DOK6: variants seen among roughly 807,000 people sequenced by gnomAD.
DOK6 encodes docking protein 6.
A neutral mutation model predicts 44.0 loss-of-function variants in DOK6; 22 were observed. That is an observed-to-expected ratio of 0.50 (90% CI 0.36 to 0.71). The LOEUF is 0.71. DOK6 is among the 30% of genes least tolerant of loss of function. The pLI, the probability that DOK6 is intolerant of heterozygous loss-of-function variation, is 0.00. For missense variants in DOK6, 340 were observed against 416.4 expected (o/e 0.82, Z 1.60); for synonymous variants, 166 against 145.5 (o/e 1.14, Z -1.01).
chr18:69,799,790 T>C (rs1438692230), intron 7 of DOK6, among the ~76,000 whole-genome samples: 2 of 152,096 alleles, frequency 1.3e-5, no homozygotes, highest in Non-Finnish European at 2.9e-5. Flanking sequence ...TAGGGTGCCC[T>C]CAGTGACCGA....
At chr18:69,790,687 G>A (rs1252756585) in intron 7 of DOK6, among the ~76,000 whole-genome samples, 1 of 151,336 alleles carries the variant, frequency 6.6e-6, no homozygotes, top group Non-Finnish European at 1.5e-5. Context: ...TATATTTATG[G>A]GATACATGAG....
At chr18:69,493,417 C>T (rs1980794388) in intron 1 of DOK6, among the ~76,000 whole-genome samples, 1 of 152,150 alleles carries the variant, frequency 6.6e-6, no homozygotes, top group Non-Finnish European at 1.5e-5. Flanking sequence ...AGAGCACTAG[C>T]ATTGCCTGAA....
At chr18:69,698,687 C>A in intron 5 of DOK6, 94 bp downstream of exon 5, 1 of 1,257,978 alleles carries the variant, frequency 7.9e-7, no homozygotes, top group Non-Finnish European at 1.1e-6. Context: ...CATCATTGCC[C>A]CCAGTGAGCA....
chr18:69,739,611 C>G (rs1328646374), intron 6 of DOK6, among the ~76,000 whole-genome samples: 3 of 152,014 alleles, frequency 2.0e-5, no homozygotes, highest in Non-Finnish European at 4.4e-5. Context: ...ATCATCTTGT[C>G]CTGGAACTGT....
At chr18:69,838,814 C>G (rs866985271) in intron 7 of DOK6, among the ~76,000 whole-genome samples, 5 of 149,236 alleles carry the variant, frequency 3.4e-5, no homozygotes, top group Non-Finnish European at 7.5e-5. Context: ...TAATCCCTTC[C>G]CTAGCTGCTC....
intron 3 of DOK6, among the ~76,000 whole-genome samples, chr18:69,668,858 T>C (rs895200821): frequency 6.6e-5 from 10 of 152,294 alleles, no homozygotes; most frequent in Middle Eastern, 3.4e-3. Flanking sequence ...GACTACTCAA[T>C]AGTTAACAGA....
At chr18:69,773,169 T>A (rs1979938774) in intron 7 of DOK6, among the ~76,000 whole-genome samples, 1 of 151,886 alleles carries the variant, frequency 6.6e-6, no homozygotes, top group African/African-American at 2.4e-5. Context: ...CTAGGATGGC[T>A]AATTATCTAA....
At chr18:69,635,001 A>G (rs1378455906) in intron 3 of DOK6, among the ~76,000 whole-genome samples, 1 of 152,180 alleles carries the variant, frequency 6.6e-6, no homozygotes, top group African/African-American at 2.4e-5. Flanking sequence ...CCTGCCGCAG[A>G]CAGCCAGGCA....
chr18:69,582,253 G>C (rs1983387535), intron 2 of DOK6, among the ~76,000 whole-genome samples: 2 of 152,160 alleles, frequency 1.3e-5, no homozygotes, highest in South Asian at 4.1e-4. Context: ...AGACCTAATT[G>C]GTCCATAGGC....
At chr18:69,761,353 A>T (rs1979546697) in intron 7 of DOK6, among the ~76,000 whole-genome samples, 1 of 152,130 alleles carries the variant, frequency 6.6e-6, no homozygotes, top group Non-Finnish European at 1.5e-5. Flanking sequence ...TTACTTTACC[A>T]AAACAGTTAA....
At chr18:69,441,004 C>T (rs1347544267) in intron 1 of DOK6, among the ~76,000 whole-genome samples, 3 of 151,956 alleles carry the variant, frequency 2.0e-5, no homozygotes, top group South Asian at 2.1e-4. Flanking sequence ...CTATTTTAAG[C>T]GTTTGAAATT....
chr18:69,563,042 A>G (rs762046070), intron 1 of DOK6, among the ~76,000 whole-genome samples: 1 of 152,264 alleles, frequency 6.6e-6, no homozygotes. Flanking sequence ...CAAAAGACAC[A>G]TGAAAAGATG....
At chr18:69,546,961 G>A (rs7244255) in intron 1 of DOK6, among the ~76,000 whole-genome samples, 36,093 of 151,400 alleles carry the variant, frequency 0.24, 5,841 homozygotes, top group East Asian at 0.63. Context: ...CAGAAAGCAT[G>A]ACAGCATCTG....
At chr18:69,802,015 C>G (rs1377095918) in intron 7 of DOK6, among the ~76,000 whole-genome samples, 1 of 152,122 alleles carries the variant, frequency 6.6e-6, no homozygotes, top group African/African-American at 2.4e-5. Flanking sequence ...TTTTATGATG[C>G]TCTAGTTCTG....
chr18:69,784,909 CTGTT>C (rs766860329), intron 7 of DOK6, among the ~76,000 whole-genome samples: 3 of 152,162 alleles, frequency 2.0e-5, no homozygotes, highest in Non-Finnish European at 2.9e-5. Flanking sequence ...GTCATAGAGA[CTGTT>C]TGTCACCCAT....
chr18:69,435,808 A>G (rs1243302290), intron 1 of DOK6, among the ~76,000 whole-genome samples: 1 of 152,042 alleles, frequency 6.6e-6, no homozygotes, highest in Non-Finnish European at 1.5e-5. Flanking sequence ...TATTTCAGTT[A>G]TATTTCCCCC....
Position 69,678,662 on chromosome 18 carries a change from T to C in DOK6, c.409+809T>C, listed in dbSNP as rs112921729. On this transcript the variant is annotated intron_variant, in intron 4 of 7. Coordinates refer to ENST00000382713, the MANE Select transcript of DOK6 (RefSeq NM_152721.6). ...GCATTTCTAATGTCTCATAACAATT[T>C]ATGCTGCATGTTCTTGACTAGCAAC... is the stretch of plus-strand genomic sequence containing the variant. Among the ~76,000 whole-genome samples the C allele has an allele frequency of 1.9e-4, 29 of 152,210 alleles. 1 individual carries two copies. The highest frequency in any genetic ancestry group is 1.3e-3 in the Admixed American group (20 of 15,278).
intron 6 of DOK6, among the ~76,000 whole-genome samples, chr18:69,747,155 C>T (rs1016705152): frequency 6.6e-6 from 1 of 152,142 alleles, no homozygotes; most frequent in Non-Finnish European, 1.5e-5. Flanking sequence ...TGCACATTGC[C>T]AGGCACATAG....
At chr18:69,615,524 A>G (rs1390841423) in intron 3 of DOK6, among the ~76,000 whole-genome samples, 4 of 152,252 alleles carry the variant, frequency 2.6e-5, no homozygotes, top group African/African-American at 7.2e-5. Flanking sequence ...AACAGAATAT[A>G]GTGGCCTTAT....
Sources: allele counts gnomAD v4.1 joint callset (sites outside exome capture counted in the v4.1 genomes callset), GRCh38; gene constraint gnomAD v4.1.1; transcripts MANE v1.5; gene names NCBI Gene and HGNC (gene_info 2026-07-23, HGNC 2026-07-21).